Variants in USP8 observed in about 807,000 individuals in gnomAD.
USP8 encodes the protein ubiquitin carboxyl-terminal hydrolase 8.
In USP8, 27 loss-of-function variants were observed where a neutral mutation model predicts 130.0. The observed-to-expected ratio is 0.21, with a 90% confidence interval of 0.15 to 0.29. The LOEUF (loss-of-function observed/expected upper bound fraction) is 0.29. USP8 is among the 10% of genes least tolerant of loss of function. USP8 has a pLI of 1.00. For missense variants in USP8, 1,029 were observed against 1,312.2 expected, an observed-to-expected ratio of 0.78 and a Z score of 3.33; for synonymous variants, 392 against 444.1, an observed-to-expected ratio of 0.88 and a Z score of 1.48.
At chr15:50,471,843 G>T (rs748872947) in intron 8 of USP8, 48 bp downstream of exon 8, 1 of 1,591,682 alleles carries the variant, frequency 6.3e-7, no homozygotes. Context: ...GGCATCTCTG[G>T]TTGTTAGAAA....
chr15:50,507,738 A>T lies in USP8; in HGVS notation c.*8650A>T, dbSNP rs1054917082. ...CAATATATACTTAGATGAGTATCTG[A>T]CTCCTGAAATAGAAGTGCACTGTCT... On this transcript the variant is annotated 3_prime_UTR_variant, in exon 20 of 20. Coordinates refer to ENST00000307179, the MANE Select transcript of USP8 (RefSeq NM_005154.5). 6.6e-6 allele frequency: 1 copy of T among 152,052 alleles called. No individual in the cohort carries two copies. The highest frequency in any genetic ancestry group is 1.5e-5 in the Non-Finnish European group (1 of 68,008). 9.4% of individuals were successfully genotyped at this position (152,052 alleles called of 1,614,324 possible).
At position 50,441,404 on chromosome 15, in the gene USP8, C is replaced by T. The variant is rs1287934732; in HGVS notation, c.160C>T (p.Arg54Cys). 1.9e-6 allele frequency: 3 copies of T among 1,610,070 alleles called. No homozygotes were observed. The highest frequency in any genetic ancestry group is 1.3e-5 in the African/African-American group (1 of 74,578). ...GACAGCAGAAGAATGCAGATTAGATCGTGATGAGGAAAGGGCCTATGTACT... is the reference window on the plus strand; with the variant it reads ...GACAGCAGAAGAATGCAGATTAGATTGTGATGAGGAAAGGGCCTATGTACT... ...FKTAEECRLD[R>C]DEERAYVLYM... The change falls in exon 3 of 20, where the codon CGT becomes TGT. Residue 54 changes from arginine to cysteine, a missense_variant. Physicochemically the swap from Arg to Cys is radical, Grantham distance 180. This residue lies in a region of USP8 where 281 missense variants were observed against 336.7 expected (regional missense o/e 0.83). Transcript: ENST00000307179.
In USP8 at chr15:50,509,745, T is replaced by C. The variant is rs533317819; in HGVS notation, c.*10657T>C. On this transcript the variant is annotated 3_prime_UTR_variant, in exon 20 of 20. Transcript: ENST00000307179. ...TAATAGCTACAGATCCTGAATAAAT[T>C]TATTGTTAATACCCTAAAAACTTTA... 6.6e-6 allele frequency: 1 copy of C among 152,156 alleles called. No homozygotes were observed. Among genetic ancestry groups the C allele is most frequent in the South Asian group, 2.1e-4 (1 of 4,808 alleles). 9.4% of individuals were successfully genotyped at this position (152,156 alleles called of 1,614,324 possible).
At chr15:50,449,551 A>G in intron 4 of USP8, 66 bp downstream of exon 4, 2 of 1,178,078 alleles carry the variant, frequency 1.7e-6, no homozygotes, top group South Asian at 3.4e-5. Context: ...TTTAAGATTT[A>G]CCGATTTATA....
At chr15:50,493,091 C>T (rs548190791) in intron 15 of USP8, 178 bp downstream of exon 15, 14 of 723,888 alleles carry the variant, frequency 1.9e-5, no homozygotes, top group African/African-American at 7.0e-5. Flanking sequence ...GTCTAGGTGC[C>T]GGCATCTGGT....
intron 3 of USP8, among the ~76,000 whole-genome samples, chr15:50,446,186 AT>A (rs2050436030): frequency 6.6e-6 from 1 of 152,208 alleles, no homozygotes; most frequent in Non-Finnish European, 1.5e-5. Context: ...AGAAGCAAAC[AT>A]TTTTAGTTAT....
In USP8 at chr15:50,511,695, T is replaced by C. The variant is rs2052740543; in HGVS notation, c.*12607T>C. Reference sequence around the variant, plus strand: ...AAGGTCATATATTCTATGATTCTGTTTATTAAAATACCCAGAATAGGCCAG... The same window carrying C: ...AAGGTCATATATTCTATGATTCTGTCTATTAAAATACCCAGAATAGGCCAG... On this transcript the variant is annotated 3_prime_UTR_variant, in exon 20 of 20. Transcript: ENST00000307179. 1 of 152,224 alleles carries C rather than the reference T, an allele frequency of 6.6e-6. No individual in the cohort carries two copies. Among genetic ancestry groups the C allele is most frequent in the Admixed American group, 6.5e-5 (1 of 15,278 alleles). The allele number at this position is 152,224 out of a possible 1,614,324, so 9.4% of individuals were successfully genotyped here.
chr15:50,439,828 A>AT (rs1555526899), intron 2 of USP8, among the ~76,000 whole-genome samples: 3 of 102,460 alleles, frequency 2.9e-5, no homozygotes, highest in Admixed American at 1.0e-4. Context: ...AATAATAATA[A>AT]TTTTTTTTTT....
intron 6 of USP8, among the ~76,000 whole-genome samples, chr15:50,463,962 T>A (rs2051099647): frequency 6.6e-6 from 1 of 152,248 alleles, no homozygotes; most frequent in Non-Finnish European, 1.5e-5. Flanking sequence ...CTTAGTTTCC[T>A]TTTTGTTAGC....
At chr15:50,437,510 G>C (rs1490734490) in intron 1 of USP8, among the ~76,000 whole-genome samples, 1 of 152,216 alleles carries the variant, frequency 6.6e-6, no homozygotes, top group Non-Finnish European at 1.5e-5. Context: ...GGCGGGCAGG[G>C]TATGTTTTCT....
At chr15:50,443,243 G>C (rs1360401137) in intron 3 of USP8, among the ~76,000 whole-genome samples, 1 of 149,918 alleles carries the variant, frequency 6.7e-6, no homozygotes, top group South Asian at 2.2e-4. Context: ...GTTTCACCAT[G>C]TTGGCCCAGC....
intron 15 of USP8, chr15:50,493,178 G>A (rs1013061404): frequency 4.7e-5 from 26 of 549,930 alleles, no homozygotes; most frequent in East Asian, 3.9e-4. Context: ...AGCCCTAAAC[G>A]GCACCTAATC....
At chr15:50,425,651 G>T (rs1437681189) in intron 1 of USP8, among the ~76,000 whole-genome samples, 2 of 151,516 alleles carry the variant, frequency 1.3e-5, no homozygotes, top group Non-Finnish European at 2.9e-5. Context: ...TGAAGACCCT[G>T]TAGTAGTTTA....
chr15:50,476,559 A>G (rs1474635502), intron 8 of USP8, among the ~76,000 whole-genome samples: 3 of 152,238 alleles, frequency 2.0e-5, no homozygotes, highest in Non-Finnish European at 4.4e-5. Context: ...AGTAAACTCC[A>G]GAATGTAAAG....
chr15:50,449,806 C>G (rs979010962), intron 4 of USP8, among the ~76,000 whole-genome samples: 1 of 151,298 alleles, frequency 6.6e-6, no homozygotes, highest in East Asian at 1.9e-4. Context: ...TGGTCTCGAT[C>G]TCCTGACCTT....
In USP8 at chr15:50,424,448, C is replaced by T. The variant is rs72738957; in HGVS notation, c.-132C>T. 1.3e-4 allele frequency: 51 copies of T among 398,738 alleles called. No individual in the cohort carries two copies. In the South Asian group the frequency reaches 3.1e-3, roughly 24 times the overall value. 24.7% of individuals were successfully genotyped at this position (398,738 alleles called of 1,614,324 possible). ...TCCTGGTAGCCAAGGCTAATTCTCC[C>T]TCGAGTTCTTGGGAGATGGGCATTT... On this transcript the variant is annotated 5_prime_UTR_variant, in exon 1 of 20. Coordinates refer to ENST00000307179, the MANE Select transcript of USP8 (RefSeq NM_005154.5).
intron 1 of USP8, among the ~76,000 whole-genome samples, chr15:50,433,598 C>T (rs1294551522): frequency 2.6e-5 from 4 of 152,104 alleles, no homozygotes; most frequent in Admixed American, 2.6e-4. Flanking sequence ...AGAGAAAGAA[C>T]ATTTTCTCTT....
At chr15:50,493,971 G>A (rs372285761) in intron 15 of USP8, 99 bp from the exon 16 acceptor site, 25 of 1,303,798 alleles carry the variant, frequency 1.9e-5, no homozygotes, top group East Asian at 1.9e-4. Flanking sequence ...TAGTGCTACA[G>A]TATGTGAATA....
At position 50,476,862 on chromosome 15, in the gene USP8, C is replaced by G. The variant is rs775483439; in HGVS notation, c.863C>G (p.Thr288Ser). 10 of 1,566,070 alleles carry G rather than the reference C, an allele frequency of 6.4e-6. No individual in the cohort carries two copies. Among genetic ancestry groups the G allele is most frequent in the Non-Finnish European group, 8.6e-6 (10 of 1,166,540 alleles). ...CCTTATTTATAGTGGGAAAGTAAAA[C>G]TGTCCTGCGCAATGAGCCTTTGGTT... ...KDALFKWESK[T>S]VLRNEPLVLE... Residue 288 changes from threonine (T) to serine (S), a missense_variant, in exon 9 of 20, where the codon ACT becomes AGT. This residue lies in a region of USP8 where 281 missense variants were observed against 336.7 expected (regional missense o/e 0.83). Transcript: ENST00000307179.
Sources: allele counts gnomAD v4.1 joint callset (sites outside exome capture counted in the v4.1 genomes callset), GRCh38; gene constraint gnomAD v4.1.1; regional missense constraint gnomAD v4.1.1; transcripts MANE v1.5; gene names NCBI Gene and HGNC (gene_info 2026-07-23, HGNC 2026-07-21).